C16orf78: variants seen among roughly 807,000 people sequenced by gnomAD.
C16orf78 encodes chromosome 16 open reading frame 78.
A neutral mutation model predicts 27.3 loss-of-function variants in C16orf78; 19 were observed. That is an observed-to-expected ratio of 0.70 (90% CI 0.49 to 1.02). The LOEUF (loss-of-function observed/expected upper bound fraction) is 1.02, where lower values mean the gene tolerates loss of function less well. Ranked by LOEUF, C16orf78 falls within the 50% of genes least tolerant of loss-of-function variation. The pLI is 0.00. For missense variants in C16orf78, 339 were observed against 337.0 expected (o/e 1.01, Z -0.05); for synonymous variants, 130 against 116.1 (o/e 1.12, Z -0.77).
At chr16:49,392,138 A>G (rs1224419769) in intron 3 of C16orf78, among the ~76,000 whole-genome samples, 1 of 152,188 alleles carries the variant, frequency 6.6e-6, no homozygotes, top group East Asian at 1.9e-4. Context: ...TTTGTTGATG[A>G]AATCTTACAA....
At position 49,382,498 on chromosome 16, in the gene C16orf78, G is replaced by A. The variant is rs74018758; in HGVS notation, c.394+3905G>A. 1.3e-3 allele frequency among the ~76,000 whole-genome samples: 202 copies of A among 152,174 alleles called. 1 individual carries two copies. The highest frequency in any genetic ancestry group is 4.7e-3 in the African/African-American group (194 of 41,538). ...TTATACAGCAAACAAATTAGAGATT[G>A]ATTATTAGACTCCCTTGTTCTTCAA... On this transcript the variant is annotated intron_variant, in intron 3 of 4. Transcript: ENST00000299191.
At chr16:49,374,262 T>C (rs1388679508) in intron 1 of C16orf78, among the ~76,000 whole-genome samples, 173 bp downstream of exon 1, 3 of 152,206 alleles carry the variant, frequency 2.0e-5, no homozygotes, top group Non-Finnish European at 4.4e-5. Flanking sequence ...TTAGTTAATA[T>C]GATTAGGCTG....
Position 49,396,675 on chromosome 16 carries a change from G to T in C16orf78, c.647G>T (p.Cys216Phe), listed in dbSNP as rs1414329561. The T allele has an allele frequency of 6.2e-7, 1 of 1,605,850 alleles. No individual in the cohort carries two copies. The highest frequency in any genetic ancestry group is 1.1e-5 in the South Asian group (1 of 91,012). The change falls in exon 4 of 5, where the codon TGC becomes TTC. Residue 216 changes from cysteine to phenylalanine, a missense_variant. Transcript: ENST00000299191. The part of the protein sequence containing the change: ...RMLKPEEVLS[C>F]RYLRLSKENI... Reference sequence around the variant, plus strand: ...TTGAAGCCAGAGGAGGTGCTGAGCTGCCGGTGAGAGCTGCCACCCCCTGGG... The same window carrying T: ...TTGAAGCCAGAGGAGGTGCTGAGCTTCCGGTGAGAGCTGCCACCCCCTGGG...
intron 3 of C16orf78, among the ~76,000 whole-genome samples, chr16:49,392,046 C>A (rs1348600765): frequency 6.6e-6 from 1 of 152,222 alleles, no homozygotes; most frequent in Non-Finnish European, 1.5e-5. Context: ...ACCCACACCT[C>A]AGGCCACTGT....
At chr16:49,382,949 C>T (rs1361800850) in intron 3 of C16orf78, among the ~76,000 whole-genome samples, 1 of 152,194 alleles carries the variant, frequency 6.6e-6, no homozygotes, top group African/African-American at 2.4e-5. Context: ...AAAAGAAACC[C>T]ATACCAGCTG....
chr16:49,384,518 AAG>A, intron 3 of C16orf78, among the ~76,000 whole-genome samples: 1 of 152,256 alleles, frequency 6.6e-6, no homozygotes, highest in African/African-American at 2.4e-5. Flanking sequence ...GTAAAAAAAA[AAG>A]GAATGAAAAA....
intron 3 of C16orf78, among the ~76,000 whole-genome samples, chr16:49,395,486 ATTAGT>A: frequency 6.6e-6 from 1 of 151,482 alleles, no homozygotes; most frequent in South Asian, 2.1e-4. Context: ...ATCAGCTATC[ATTAGT>A]GTTAGCAGAT....
intron 3 of C16orf78, among the ~76,000 whole-genome samples, chr16:49,390,746 GT>G (rs1965402896): frequency 6.6e-6 from 1 of 152,228 alleles, no homozygotes; most frequent in Non-Finnish European, 1.5e-5. Flanking sequence ...TAACTTTGCA[GT>G]TCTTGGTGCA....
At chr16:49,382,017 A>G (rs1028720661) in intron 3 of C16orf78, among the ~76,000 whole-genome samples, 1 of 152,156 alleles carries the variant, frequency 6.6e-6, no homozygotes, top group African/African-American at 2.4e-5. Context: ...ACCAACCCAA[A>G]TGTCCAACAA....
Position 49,377,739 on chromosome 16 carries a change from G to T in C16orf78, c.159G>T (p.Lys53Asn). The T allele has an allele frequency of 6.2e-7, 1 of 1,603,876 alleles. No homozygotes were observed. Among genetic ancestry groups the T allele is most frequent in the South Asian group, 1.1e-5 (1 of 88,542 alleles). Residue 53 changes from lysine to asparagine, a missense_variant, in exon 2 of 5, where the codon AAG (lysine) becomes AAT (asparagine). Physicochemically the swap from Lys to Asn is moderately conservative, Grantham distance 94. Coordinates refer to ENST00000299191, the MANE Select transcript of C16orf78 (RefSeq NM_144602.4). ...TTCCCTTGTCTTTTCAGAAGCAAAA[G>T]CCCAAAGTGGTGACAGTCCTTAAAC... ...GKKKQAPEKQ[K>N]PKVVTVLKRN...
At chr16:49,381,283 T>C (rs1448913110) in intron 3 of C16orf78, among the ~76,000 whole-genome samples, 1 of 152,224 alleles carries the variant, frequency 6.6e-6, no homozygotes, top group Non-Finnish European at 1.5e-5. Flanking sequence ...TGTTCTTCCA[T>C]TTGTTTGTAT....
intron 3 of C16orf78, among the ~76,000 whole-genome samples, chr16:49,395,945 AAAG>A (rs1965466740): frequency 6.6e-6 from 1 of 152,112 alleles, no homozygotes; most frequent in Non-Finnish European, 1.5e-5. Context: ...TTGAACAAAT[AAAG>A]AAGGAGAACC....
At position 49,377,904 on chromosome 16, in the gene C16orf78, G is replaced by A. The variant is rs568079666; in HGVS notation, c.270+54G>A. 68 of 1,542,874 alleles carry A rather than the reference G, an allele frequency of 4.4e-5. 3 individuals are homozygous for A. The South Asian group carries it at 7.0e-4, about 16-fold the overall frequency. ...CCCCACTGGGTCTCCAAATGGAGGA[G>A]GGGTCCCTGCTTCTCTCCTGCATAA... On this transcript the variant is annotated intron_variant, in intron 2 of 4. Coordinates refer to ENST00000299191, the MANE Select transcript of C16orf78 (RefSeq NM_144602.4).
In C16orf78 at chr16:49,378,280, G is replaced by A. The variant is rs367881070; in HGVS notation, c.271-190G>A. ...TATATGGTGGGGAGAAGAGGGAGGC[G>A]TTGGTGAGCAAGCACCCGTGGGCAG... On this transcript the variant is annotated intron_variant, in intron 2 of 4. Transcript: ENST00000299191. Among the ~76,000 whole-genome samples the A allele has an allele frequency of 2.5e-4, 38 of 152,328 alleles. No homozygotes were observed. The South Asian group carries it at 4.8e-3, about 19-fold the overall frequency.
At chr16:49,382,414 T>G (rs1965297047) in intron 3 of C16orf78, among the ~76,000 whole-genome samples, 1 of 149,472 alleles carries the variant, frequency 6.7e-6, no homozygotes, top group Admixed American at 6.6e-5. Context: ...TAAAGTATAA[T>G]AATAAAATAA....
intron 3 of C16orf78, among the ~76,000 whole-genome samples, chr16:49,393,952 T>C (rs528947651): frequency 6.6e-6 from 1 of 152,188 alleles, no homozygotes; most frequent in Admixed American, 6.5e-5. Flanking sequence ...CTCTATACAA[T>C]ACATTTTAAA....
intron 3 of C16orf78, 57 bp from the exon 4 acceptor site, chr16:49,396,366 C>T (rs1965472919): frequency 1.3e-6 from 2 of 1,585,368 alleles, no homozygotes; most frequent in South Asian, 2.3e-5. Context: ...TTCCTGCCTA[C>T]CCCACCTCTC....
chr16:49,390,609 C>T (rs1965400800), intron 3 of C16orf78, among the ~76,000 whole-genome samples: 1 of 152,200 alleles, frequency 6.6e-6, no homozygotes, highest in South Asian at 2.1e-4. Context: ...TGTGACCCTG[C>T]CTTGGAGGGC....
chr16:49,375,322 C>T (rs1176106010), intron 1 of C16orf78, among the ~76,000 whole-genome samples: 1 of 151,374 alleles, frequency 6.6e-6, no homozygotes, highest in Admixed American at 6.6e-5. Context: ...GAGACTGGGT[C>T]ATTTATTTAA....
Sources: gnomAD v4.1 joint callset for allele counts (sites outside exome capture counted in the v4.1 genomes callset) on GRCh38, gnomAD v4.1.1 for gene constraint, MANE v1.5 for transcripts, NCBI Gene and HGNC (gene_info 2026-07-23, HGNC 2026-07-21) for gene names.